FSTL1: variants seen among roughly 807,000 people sequenced by gnomAD.
The protein encoded by FSTL1 is follistatin-related protein 1.
FSTL1 carries 24 observed loss-of-function variants against 45.9 expected under a neutral mutation model. The observed-to-expected ratio is 0.52, with a 90% CI of 0.38 to 0.74. The LOEUF (loss-of-function observed/expected upper bound fraction) is 0.74, where lower values mean the gene tolerates loss of function less well. Ranked by LOEUF, FSTL1 falls within the 30% of genes least tolerant of loss-of-function variation. The pLI is 0.00. For synonymous variants in FSTL1, 120 were observed against 137.6 expected (o/e 0.87, Z 0.89); for missense variants, 340 against 381.8 (o/e 0.89, Z 0.91).
rs1936710647 is a variant in FSTL1, at chr3:120,396,802, T to C, written c.*150A>G. On this transcript the variant is annotated 3_prime_UTR_variant, in exon 11 of 11. Transcript: ENST00000295633. The stretch of plus-strand genomic sequence containing the variant: ...TTCCTAGCCAGCCACCTTCATATCC[T>C]TTATTGCAAAACAAATAAACAAAAT... 1.5e-6 allele frequency: 1 copy of C among 682,024 alleles called. No homozygotes were observed. The highest frequency in any genetic ancestry group is 2.6e-6 in the Non-Finnish European group (1 of 381,442). 42.2% of individuals were successfully genotyped at this position (682,024 alleles called of 1,614,324 possible).
chr3:120,431,572 C>G (rs983916826), intron 2 of FSTL1, among the ~76,000 whole-genome samples: 1 of 151,856 alleles, frequency 6.6e-6, no homozygotes, highest in African/African-American at 2.4e-5. Flanking sequence ...CCTGTTATCC[C>G]AGCACTTTGG....
chr3:120,424,063 T>C (rs531626775), intron 2 of FSTL1: 1 of 152,392 alleles, frequency 6.6e-6, no homozygotes, highest in South Asian at 2.1e-4. Flanking sequence ...ATCAAAATGC[T>C]ATTTGATGAA....
intron 6 of FSTL1, among the ~76,000 whole-genome samples, chr3:120,406,855 G>T (rs1936957910): frequency 6.6e-6 from 1 of 152,230 alleles, no homozygotes; most frequent in Admixed American, 6.5e-5. Context: ...GGGACCAGAA[G>T]TGTTTCAGAT....
At chr3:120,438,092 C>T (rs1158095107) in intron 2 of FSTL1, among the ~76,000 whole-genome samples, 1 of 152,152 alleles carries the variant, frequency 6.6e-6, no homozygotes, top group African/African-American at 2.4e-5. Flanking sequence ...AAATTAGGGT[C>T]CACGCAATAG....
intron 7 of FSTL1, among the ~76,000 whole-genome samples, chr3:120,404,652 A>G (rs1328263917): frequency 6.6e-6 from 1 of 152,248 alleles, no homozygotes; most frequent in African/African-American, 2.4e-5. Context: ...ACCAAAAACA[A>G]TAACTATTTG....
intron 1 of FSTL1, 43 bp from the exon 2 acceptor site, chr3:120,450,789 C>T (rs769149822): frequency 1.4e-6 from 2 of 1,463,238 alleles, no homozygotes; most frequent in Non-Finnish European, 1.8e-6. Context: ...CGCCGGGCCC[C>T]GCGCTGACCT....
chr3:120,442,984 C>T (rs1309139204), intron 2 of FSTL1, among the ~76,000 whole-genome samples: 2 of 144,654 alleles, frequency 1.4e-5, no homozygotes, highest in Non-Finnish European at 3.0e-5. Context: ...GGGAGATACA[C>T]CTAAGGCTAG....
chr3:120,426,869 G>A lies in FSTL1; in HGVS notation c.64-10842C>T, dbSNP rs549797534. On this transcript the variant is annotated intron_variant, in intron 2 of 10. Transcript: ENST00000295633. ...TCGAGATCTGTGGGCTCCTCACTTC[G>A]AGCAACCCTCCACTTCTTAGGGACC... is the stretch of plus-strand genomic sequence containing the variant. Among the ~76,000 whole-genome samples, 6 of 152,104 alleles carry A rather than the reference G, an allele frequency of 3.9e-5. No individual in the cohort carries two copies. In the South Asian group the frequency reaches 6.2e-4, roughly 16 times the overall value.
At chr3:120,412,836 G>A (rs201436894) in intron 3 of FSTL1, among the ~76,000 whole-genome samples, 12,115 of 71,736 alleles carry the variant, frequency 0.17, 591 homozygotes, top group South Asian at 0.31. Context: ...GCGCGCGCGC[G>A]CGCACACACA....
intron 9 of FSTL1, 49 bp from the exon 10 acceptor site, chr3:120,400,008 T>A: frequency 7.8e-7 from 1 of 1,284,034 alleles, no homozygotes; most frequent in East Asian, 2.4e-5. Context: ...GGTAAGCCAG[T>A]GAGGAATCCG....
chr3:120,441,913 G>C (rs1009244081), intron 2 of FSTL1, among the ~76,000 whole-genome samples: 8 of 152,230 alleles, frequency 5.3e-5, no homozygotes, highest in African/African-American at 1.9e-4. Context: ...TGGCTAGTAA[G>C]GGCAGTGCTA....
intron 6 of FSTL1, among the ~76,000 whole-genome samples, chr3:120,407,741 T>G (rs1936974941): frequency 6.6e-6 from 1 of 152,188 alleles, no homozygotes; most frequent in African/African-American, 2.4e-5. Context: ...ATGAAACCTG[T>G]TTTCTCCTGT....
chr3:120,439,158 C>A lies in FSTL1; in HGVS notation c.63+11526G>T, dbSNP rs143861808. 4.6e-3 allele frequency among the ~76,000 whole-genome samples: 703 copies of A among 152,282 alleles called. 10 individuals carry two copies. Among genetic ancestry groups the A allele is most frequent in the African/African-American group, 0.015 (641 of 41,556 alleles). On this transcript the variant is annotated intron_variant, in intron 2 of 10. Coordinates refer to ENST00000295633, the MANE Select transcript of FSTL1 (RefSeq NM_007085.5). ...GGCGAGAGCAAGGCCGGAAAGCCTG[C>A]TCGGGTTTTGCTCAGCTAATGCAAA...
At chr3:120,414,244 C>T (rs971968816) in intron 3 of FSTL1, among the ~76,000 whole-genome samples, 3 of 152,088 alleles carry the variant, frequency 2.0e-5, no homozygotes, top group Non-Finnish European at 4.4e-5. Context: ...GGCCGCCTAT[C>T]GTCTGGGATG....
At chr3:120,429,451 C>A (rs1402372) in intron 2 of FSTL1, among the ~76,000 whole-genome samples, 61,048 of 152,070 alleles carry the variant, frequency 0.4, 13,629 homozygotes, top group East Asian at 0.67. Flanking sequence ...GGACAACAGG[C>A]CTAAACTGTG....
At chr3:120,402,292 G>T (rs935617002) in intron 9 of FSTL1, among the ~76,000 whole-genome samples, 2 of 152,134 alleles carry the variant, frequency 1.3e-5, no homozygotes, top group African/African-American at 4.8e-5. Context: ...CCAACCACTA[G>T]TCTTTTACCA....
chr3:120,414,546 A>G (rs914901431), intron 3 of FSTL1, among the ~76,000 whole-genome samples: 3 of 152,106 alleles, frequency 2.0e-5, no homozygotes, highest in Non-Finnish European at 4.4e-5. Context: ...TGTGGAATAG[A>G]AAGGCGGGAA....
intron 2 of FSTL1, among the ~76,000 whole-genome samples, chr3:120,437,756 A>G (rs1937586200): frequency 6.6e-6 from 1 of 152,240 alleles, no homozygotes; most frequent in Admixed American, 6.5e-5. Context: ...AGTCAGGATC[A>G]ATAGCACGAT....
chr3:120,443,561 A>G (rs1937671152), intron 2 of FSTL1, among the ~76,000 whole-genome samples: 1 of 149,948 alleles, frequency 6.7e-6, no homozygotes, highest in Admixed American at 6.6e-5. Context: ...AAAAGTATAG[A>G]AAGACAGAGA....
Sources: gnomAD v4.1 joint callset for allele counts (sites outside exome capture counted in the v4.1 genomes callset) on GRCh38, gnomAD v4.1.1 for gene constraint, MANE v1.5 for transcripts, NCBI Gene and HGNC (gene_info 2026-07-23, HGNC 2026-07-21) for gene names.